Variants in PSD3 observed in about 807,000 individuals in gnomAD.
The protein encoded by PSD3 is PH and SEC7 domain-containing protein 3.
PSD3 carries 49 observed loss-of-function variants against 105.5 expected under a neutral mutation model. That is an observed-to-expected ratio of 0.46 (90% CI 0.37 to 0.59). The LOEUF (loss-of-function observed/expected upper bound fraction) is 0.59, where lower values mean the gene tolerates loss of function less well. Ranked by LOEUF, PSD3 falls within the 20% of genes least tolerant of loss-of-function variation. The pLI is 0.00. For synonymous variants in PSD3, 557 were observed against 457.8 expected, an observed-to-expected ratio of 1.22 and a Z score of -2.77; for missense variants, 1,561 against 1,263.8, an observed-to-expected ratio of 1.24 and a Z score of -3.57.
chr8:18,772,278 A>T (rs1807611847), intron 8 of PSD3, among the ~76,000 whole-genome samples: 2 of 152,110 alleles, frequency 1.3e-5, no homozygotes, highest in Non-Finnish European at 2.9e-5. Context: ...CATGATAGTT[A>T]TATTTCTCAT....
chr8:18,937,593 C>G (rs114156729), intron 1 of PSD3, among the ~76,000 whole-genome samples: 433 of 152,292 alleles, frequency 2.8e-3, no homozygotes, highest in African/African-American at 1.0e-2. Flanking sequence ...ACAGCAATTT[C>G]TTAAAAGAGC....
At chr8:18,879,894 A>G (rs1818006363) in intron 2 of PSD3, among the ~76,000 whole-genome samples, 1 of 152,154 alleles carries the variant, frequency 6.6e-6, no homozygotes, top group African/African-American at 2.4e-5. Context: ...TAACGCATTT[A>G]GCCAAGACCA....
intron 1 of PSD3, among the ~76,000 whole-genome samples, chr8:19,010,123 T>G (rs1826884974): frequency 6.6e-6 from 1 of 152,198 alleles, no homozygotes; most frequent in Non-Finnish European, 1.5e-5. Flanking sequence ...GAAAGGGAAT[T>G]TCAAACCAGA....
chr8:18,571,884 A>T (rs1802162927), intron 14 of PSD3, among the ~76,000 whole-genome samples: 1 of 130,082 alleles, frequency 7.7e-6, no homozygotes, highest in South Asian at 2.6e-4. Flanking sequence ...GTTTAAAATG[A>T]GCAAACCTAG....
chr8:18,904,652 C>T (rs894422886), intron 2 of PSD3, among the ~76,000 whole-genome samples: 4 of 152,170 alleles, frequency 2.6e-5, no homozygotes, highest in African/African-American at 9.7e-5. Context: ...ATTTTAAGTA[C>T]ATCTTCTGTA....
At chr8:18,571,289 C>T (rs1254434225) in intron 14 of PSD3, among the ~76,000 whole-genome samples, 2 of 152,194 alleles carry the variant, frequency 1.3e-5, no homozygotes, top group Admixed American at 1.3e-4. Context: ...TTTTTCTCAA[C>T]ACTGTGCTCA....
chr8:18,638,013 C>G (rs542978774), intron 10 of PSD3, among the ~76,000 whole-genome samples: 1 of 151,804 alleles, frequency 6.6e-6, no homozygotes, highest in African/African-American at 2.4e-5. Context: ...AATATTAGCC[C>G]ACTGCAGTGG....
rs372255016 is a variant in PSD3 at position 18,592,689 on chromosome 8, A to C, written c.2481+7675T>G. On this transcript the variant is annotated intron_variant, in intron 12 of 15. Transcript: ENST00000327040. Reference sequence around the variant, plus strand: ...TGATGATATGTTCAAGGTGCTCAAAAAAACAAACAAACAAACAAACAAACA... The same window carrying C: ...TGATGATATGTTCAAGGTGCTCAAACAAACAAACAAACAAACAAACAAACA... Among the ~76,000 whole-genome samples the C allele has an allele frequency of 2.7e-3, 388 of 145,626 alleles. 1 individual carries two copies. Among genetic ancestry groups the C allele is most frequent in the African/African-American group, 0.01 (367 of 35,194 alleles).
At chr8:18,813,264 G>C (rs1351940458) in intron 4 of PSD3, among the ~76,000 whole-genome samples, 1 of 152,020 alleles carries the variant, frequency 6.6e-6, no homozygotes, top group Non-Finnish European at 1.5e-5. Context: ...AGAGGGAATG[G>C]GTAACAGTGT....
At chr8:18,574,394 A>G (rs1802347879) in intron 13 of PSD3, among the ~76,000 whole-genome samples, 1 of 152,300 alleles carries the variant, frequency 6.6e-6, no homozygotes, top group East Asian at 1.9e-4. Flanking sequence ...GAACAGAATA[A>G]TTTGAAAGTT....
chr8:18,681,015 A>T (rs1218813462), intron 9 of PSD3, among the ~76,000 whole-genome samples: 1 of 152,232 alleles, frequency 6.6e-6, no homozygotes, highest in Non-Finnish European at 1.5e-5. Flanking sequence ...ATGGCCAAGA[A>T]AACAAGCTGG....
chr8:18,768,855 G>C (rs531906577), intron 8 of PSD3, among the ~76,000 whole-genome samples: 4 of 152,210 alleles, frequency 2.6e-5, no homozygotes, highest in South Asian at 4.1e-4. Context: ...TGCATAGTTT[G>C]TATGAAACAC....
chr8:18,872,035 C>T lies in PSD3; in HGVS notation c.829G>A (p.Gly277Arg). 1.9e-6 allele frequency: 3 copies of T among 1,614,174 alleles called. No homozygotes were observed. The highest frequency in any genetic ancestry group is 1.3e-5 in the African/African-American group (1 of 75,042). Residue 277 changes from glycine to arginine, a missense_variant, in exon 3 of 16, where the codon GGG becomes AGG. By Grantham distance (125) the Gly-to-Arg change is moderately radical (BLOSUM62 -2). Coordinates refer to ENST00000327040, the MANE Select transcript of PSD3 (RefSeq NM_015310.4). ...GFLKEQRSAL[G>R]REHPGGCDRS... ...TCACATCCCCCTGGGTGCTCTCTCC[C>T]AAGAGCAGACCTCTGCTCTTTCAAG...
intron 4 of PSD3, among the ~76,000 whole-genome samples, chr8:18,850,808 C>G (rs1020300882): frequency 4.6e-5 from 7 of 152,120 alleles, no homozygotes; most frequent in Non-Finnish European, 8.8e-5. Context: ...AGAGTTGGAC[C>G]AACAGAGGTT....
chr8:18,768,433 G>A (rs945638973), intron 8 of PSD3, among the ~76,000 whole-genome samples: 4 of 152,016 alleles, frequency 2.6e-5, no homozygotes, highest in African/African-American at 9.7e-5. Context: ...TCCCTCTCTA[G>A]AAACAATATG....
intron 1 of PSD3, among the ~76,000 whole-genome samples, chr8:18,943,441 A>G (rs773621397): frequency 3.3e-5 from 5 of 152,226 alleles, no homozygotes; most frequent in Admixed American, 1.3e-4. Context: ...GAAATAGAAT[A>G]AGAAAAATGA....
At chr8:19,059,092 C>T (rs1285402446) in intron 1 of PSD3, among the ~76,000 whole-genome samples, 1 of 152,182 alleles carries the variant, frequency 6.6e-6, no homozygotes, top group African/African-American at 2.4e-5. Flanking sequence ...CATGGAAATT[C>T]CTTATGCCAT....
In PSD3 at chr8:18,949,279, T is replaced by TA. The variant is rs1563453978; in HGVS notation, c.22-13138_22-13137insT. On this transcript the variant is annotated intron_variant, in intron 1 of 15. Coordinates refer to ENST00000327040, the MANE Select transcript of PSD3 (RefSeq NM_015310.4). ...TATATATATATATATATATATATAT[T>TA]TATAGTTTTCTTCTCTTCCAAGGAG... is the stretch of plus-strand genomic sequence containing the variant. Among the ~76,000 whole-genome samples the TA allele has an allele frequency of 6.4e-4, 50 of 78,258 alleles. 2 individuals carry two copies. Among genetic ancestry groups the TA allele is most frequent in the Non-Finnish European group, 1.3e-3 (42 of 32,708 alleles). 51.3% of individuals were successfully genotyped at this position (78,258 alleles called of 152,430 possible).
intron 10 of PSD3, among the ~76,000 whole-genome samples, chr8:18,635,326 G>A (rs1441412173): frequency 6.6e-6 from 1 of 152,052 alleles, no homozygotes; most frequent in Non-Finnish European, 1.5e-5. Context: ...TCGGGGCTAG[G>A]TGTGCTCATT....
Sources: allele counts gnomAD v4.1 joint callset (sites outside exome capture counted in the v4.1 genomes callset), GRCh38; gene constraint gnomAD v4.1.1; transcripts MANE v1.5; gene names NCBI Gene and HGNC (gene_info 2026-07-23, HGNC 2026-07-21).